SLC15A5: variants seen among roughly 807,000 people sequenced by gnomAD.
SLC15A5 encodes the protein Peptide/histidine transporter ENSP00000340402.
Under a neutral mutation model 56.1 loss-of-function variants are expected in SLC15A5, and 58 were observed. The ratio of observed to expected loss-of-function variants is 1.03; its 90% confidence interval spans 0.84 to 1.29. SLC15A5 has a LOEUF of 1.29. Ranked by LOEUF, SLC15A5 falls within the 50% of genes most tolerant of loss-of-function variation. The probability of loss-of-function intolerance (pLI) is 0.00; values close to 1 mark genes in which losing one functional copy is unlikely to be tolerated. For synonymous variants in SLC15A5, 264 were observed against 250.5 expected (o/e 1.05, Z -0.51); for missense variants, 681 against 672.1 (o/e 1.01, Z -0.15).
intron 7 of SLC15A5, among the ~76,000 whole-genome samples, chr12:16,213,080 C>G (rs1393516802): frequency 6.6e-6 from 1 of 151,946 alleles, no homozygotes; most frequent in Non-Finnish European, 1.5e-5. Context: ...CTGATTGTAC[C>G]CATTTTGTAC....
At position 16,235,915 on chromosome 12, in the gene SLC15A5, C is replaced by A. The variant is rs970605408; in HGVS notation, c.1162+3766G>T. Among the ~76,000 whole-genome samples the A allele has an allele frequency of 6.6e-6, 1 of 152,176 alleles. No individual in the cohort carries two copies. Among genetic ancestry groups the A allele is most frequent in the African/African-American group, 2.4e-5 (1 of 41,464 alleles). On this transcript the variant is annotated intron_variant, in intron 5 of 8. Coordinates refer to ENST00000344941, the MANE Select transcript of SLC15A5 (RefSeq NM_001170798.1). This position sits in a 1 kb window ranked among gnomAD's most constrained non-coding sequence, Gnocchi z 4.1. Reference sequence around the variant, plus strand: ...TACTGGTTATGTATACAGGGACCTACACTGACTGTGACTATATCATAAAAG... The same window carrying A: ...TACTGGTTATGTATACAGGGACCTAAACTGACTGTGACTATATCATAAAAG...
Position 16,272,664 on chromosome 12 carries a change from T to G in SLC15A5, c.481A>C (p.Thr161Pro), listed in dbSNP as rs1485136033. The change falls in exon 2 of 9, where the codon ACC becomes CCC. Residue 161 changes from threonine (T) to proline (P), a missense_variant. Coordinates refer to ENST00000344941, the MANE Select transcript of SLC15A5 (RefSeq NM_001170798.1). ...ACGCCTCCAATGCCAAGGCAAATGG[T>G]CAGCAGTGCTACATAAAACAGCCTG... ...QHRLFYVALLTICLGIGGVRA... is the reference protein window; with the variant it reads ...QHRLFYVALLPICLGIGGVRA... 6.5e-7 allele frequency: 1 copy of G among 1,537,108 alleles called. No individual in the cohort carries two copies.
At chr12:16,238,248 C>T (rs1864371366) in intron 5 of SLC15A5, among the ~76,000 whole-genome samples, 1 of 152,104 alleles carries the variant, frequency 6.6e-6, no homozygotes, top group South Asian at 2.1e-4. Context: ...GAAACACACA[C>T]AATGAAATGT....
chr12:16,251,634 A>T (rs956147479), intron 3 of SLC15A5, among the ~76,000 whole-genome samples: 1 of 151,928 alleles, frequency 6.6e-6, no homozygotes, highest in African/African-American at 2.4e-5. Context: ...AAAATAAAAA[A>T]TCTGAAAAGA....
In SLC15A5 at chr12:16,277,472, G is replaced by A. The variant is rs1430457313; in HGVS notation, c.214C>T (p.Leu72Phe). The change falls in exon 1 of 9, where the codon CTT (leucine) becomes TTT (phenylalanine). Residue 72 changes from leucine (L) to phenylalanine (F), a missense_variant. Coordinates refer to ENST00000344941, the MANE Select transcript of SLC15A5 (RefSeq NM_001170798.1). ...GCTGCTTGGCAATTGTGATAGCCAA[G>A]CTTGATAGTGCAAAAGGGGATCATG... ...CNMIPFCTIK[L>F]GYHNCQAAIL... 1.3e-6 allele frequency: 2 copies of A among 1,536,542 alleles called. No homozygotes were observed. The highest frequency in any genetic ancestry group is 1.7e-6 in the Non-Finnish European group (2 of 1,146,422).
At chr12:16,232,234 C>T (rs1483839673) in intron 5 of SLC15A5, among the ~76,000 whole-genome samples, 1 of 152,102 alleles carries the variant, frequency 6.6e-6, no homozygotes, top group Non-Finnish European at 1.5e-5. Context: ...ATACAAAACT[C>T]AGCAGAAAAT....
chr12:16,194,212 A>C, intron 8 of SLC15A5, 133 bp downstream of exon 8: 1 of 513,782 alleles, frequency 1.9e-6, no homozygotes, highest in Non-Finnish European at 3.3e-6. Flanking sequence ...TCTTACCCTG[A>C]ATAATCTGTT....
At chr12:16,262,524 A>G (rs1864651991) in intron 2 of SLC15A5, among the ~76,000 whole-genome samples, 2 of 152,254 alleles carry the variant, frequency 1.3e-5, no homozygotes, top group South Asian at 4.1e-4. Context: ...AATGAAGAAC[A>G]TTAAATGAAG....
chr12:16,240,882 G>A (rs1864407535), intron 4 of SLC15A5, among the ~76,000 whole-genome samples: 1 of 151,172 alleles, frequency 6.6e-6, no homozygotes. Flanking sequence ...GTGTGATCTC[G>A]GCTCACGGCA....
intron 4 of SLC15A5, among the ~76,000 whole-genome samples, chr12:16,244,312 A>G (rs960707750): frequency 6.6e-6 from 1 of 152,168 alleles, no homozygotes; most frequent in African/African-American, 2.4e-5. Context: ...CCTTACGACT[A>G]TGCATTCTGA....
At chr12:16,265,634 A>C (rs1200140946) in intron 2 of SLC15A5, among the ~76,000 whole-genome samples, 1 of 151,944 alleles carries the variant, frequency 6.6e-6, no homozygotes, top group African/African-American at 2.4e-5. Flanking sequence ...GCACACCACC[A>C]TGCCTAGCTA....
Position 16,269,935 on chromosome 12 carries a change from T to A in SLC15A5, c.584+2626A>T, listed in dbSNP as rs998450368. 5.9e-5 allele frequency among the ~76,000 whole-genome samples: 9 copies of A among 152,192 alleles called. No individual in the cohort carries two copies. Among genetic ancestry groups the A allele is most frequent in the Non-Finnish European group, 1.2e-4 (8 of 68,032 alleles). ...CAGAAAAGAATCTGCACAGGTGTATTTACCTAGGTGATCTCCAGTATGGCG... is the reference window on the plus strand; with the variant it reads ...CAGAAAAGAATCTGCACAGGTGTATATACCTAGGTGATCTCCAGTATGGCG... On this transcript the variant is annotated intron_variant, in intron 2 of 8. Coordinates refer to ENST00000344941, the MANE Select transcript of SLC15A5 (RefSeq NM_001170798.1). The surrounding 1 kb of genome is among the most constrained non-coding windows in gnomAD (Gnocchi z 4.7).
Position 16,239,781 on chromosome 12 carries a change from G to T in SLC15A5, c.1062C>A (p.Ile354=). 6.5e-7 allele frequency: 1 copy of T among 1,537,270 alleles called. No individual in the cohort carries two copies. Among genetic ancestry groups the T allele is most frequent in the South Asian group, 1.2e-5 (1 of 84,056 alleles). ...FLLPIAVMNA[I]SSLPLLILAP... ...CCAGAATTAGTAATGGTAGGCTGCT[G>T]ATGGCATTCATTACTGCAATCGGCA... The change falls in exon 5 of 9, where the codon ATC becomes ATA. Residue 354 remains isoleucine, a synonymous_variant. Transcript: ENST00000344941.
chr12:16,265,986 CAATT>C (rs1400568208), intron 2 of SLC15A5, among the ~76,000 whole-genome samples: 6 of 152,074 alleles, frequency 3.9e-5, no homozygotes, highest in South Asian at 2.1e-4. Flanking sequence ...TCATAAAAAT[CAATT>C]AATCAAACAA....
intron 8 of SLC15A5, among the ~76,000 whole-genome samples, chr12:16,190,355 A>C (rs1023686420): frequency 2.0e-5 from 3 of 152,182 alleles, no homozygotes; most frequent in Non-Finnish European, 4.4e-5. Flanking sequence ...AGTTTCCAAG[A>C]GATTAAATAA....
intron 2 of SLC15A5, among the ~76,000 whole-genome samples, chr12:16,259,902 G>T (rs7300358): frequency 0.45 from 68,021 of 149,980 alleles, 16,036 homozygotes; most frequent in South Asian, 0.62. Context: ...CCACCCGGGC[G>T]GGGGGTAAGT....
intron 7 of SLC15A5, among the ~76,000 whole-genome samples, chr12:16,197,410 A>C (rs1181877916): frequency 6.9e-6 from 1 of 143,958 alleles, no homozygotes; most frequent in Non-Finnish European, 1.5e-5. Flanking sequence ...GTGAAGAGAC[A>C]GAATTGGGTA....
intron 7 of SLC15A5, among the ~76,000 whole-genome samples, chr12:16,206,695 G>A (rs1864023215): frequency 2.0e-5 from 3 of 152,150 alleles, no homozygotes; most frequent in Non-Finnish European, 2.9e-5. Context: ...GCACATGCTT[G>A]ATACTTTGCT....
At chr12:16,191,122 A>G (rs1002920179) in intron 8 of SLC15A5, among the ~76,000 whole-genome samples, 4 of 152,084 alleles carry the variant, frequency 2.6e-5, no homozygotes, top group East Asian at 1.9e-4. Flanking sequence ...CAGTATTTCA[A>G]ATTTGATTGT....
Sources: allele counts gnomAD v4.1 joint callset (sites outside exome capture counted in the v4.1 genomes callset), GRCh38; gene constraint gnomAD v4.1.1; non-coding constraint Gnocchi (gnomAD v3.1); transcripts MANE v1.5; gene names NCBI Gene and HGNC (gene_info 2026-07-23, HGNC 2026-07-21).